TNIP3: variants seen among roughly 807,000 people sequenced by gnomAD.
TNIP3 encodes the protein TNFAIP3-interacting protein 3.
Under a neutral mutation model 54.1 loss-of-function variants are expected in TNIP3, and 34 were observed. That is an observed-to-expected ratio of 0.63 (90% CI 0.48 to 0.84). The LOEUF is 0.84. Among genes scored for constraint, TNIP3 ranks in the 40% least tolerant of loss-of-function variants. The pLI is 0.00. For missense variants in TNIP3, 366 were observed against 387.6 expected, an observed-to-expected ratio of 0.94 and a Z score of 0.47; for synonymous variants, 134 against 136.8, an observed-to-expected ratio of 0.98 and a Z score of 0.14.
At chr4:121,167,930 C>T (rs1730852603), upstream of TNIP3, among the ~76,000 whole-genome samples, 2 of 152,070 alleles carry the variant, frequency 1.3e-5, no homozygotes, top group African/African-American at 4.8e-5. Context: ...CCTTCTTCAC[C>T]TGACCTGTTT....
intron 1 of TNIP3, among the ~76,000 whole-genome samples, chr4:121,163,781 C>G (rs542324944): frequency 1.6e-4 from 24 of 152,158 alleles, no homozygotes; most frequent in African/African-American, 5.8e-4. Context: ...ATATAGTATT[C>G]TTTTAAGATT....
At position 121,164,219 on chromosome 4, in the gene TNIP3, AT is replaced by A. The variant is rs1730634710; in HGVS notation, c.-95del. The stretch of plus-strand genomic sequence containing the variant: ...TTTAGGGTGAGAGCAAGTATACAAA[AT>A]TTAAAAAACACACATCACCGTTAAC... On this transcript the variant is annotated 5_prime_UTR_variant, in exon 1 of 11. Coordinates refer to ENST00000057513, the MANE Select transcript of TNIP3 (RefSeq NM_024873.6). 6.3e-7 allele frequency: 1 copy of A among 1,585,684 alleles called. No individual in the cohort carries two copies. The highest frequency in any genetic ancestry group is 1.1e-5 in the South Asian group (1 of 87,436).
chr4:121,132,555 C>T lies in TNIP3; in HGVS notation c.*76G>A, dbSNP rs948090339. ...ATGTGCCTTTGTGGCAGAAACAAGC[C>T]TCAGTATAAACAAAGAAGAGGGTCC... On this transcript the variant is annotated 3_prime_UTR_variant, in exon 11 of 11. Coordinates refer to ENST00000057513, the MANE Select transcript of TNIP3 (RefSeq NM_024873.6). 1 of 1,377,304 alleles carries T rather than the reference C, an allele frequency of 7.3e-7. No homozygotes were observed. Among genetic ancestry groups the T allele is most frequent in the Non-Finnish European group, 1.0e-6 (1 of 970,770 alleles). The allele number at this position is 1,377,304 out of a possible 1,614,324, so 85.3% of individuals were successfully genotyped here.
intron 2 of TNIP3, among the ~76,000 whole-genome samples, chr4:121,209,405 G>A (rs1010253616): frequency 2.0e-5 from 3 of 152,198 alleles, no homozygotes. Flanking sequence ...GCCTTAACAT[G>A]TGGGGTCTGT....
intron 2 of TNIP3, among the ~76,000 whole-genome samples, chr4:121,197,241 A>G (rs1235692475): frequency 1.3e-5 from 2 of 152,162 alleles, no homozygotes; most frequent in Non-Finnish European, 2.9e-5. Context: ...AGAACACCTA[A>G]GTCCTGCCGG....
At chr4:121,213,848 G>T (rs1242098722) in intron 2 of TNIP3, among the ~76,000 whole-genome samples, 1 of 151,994 alleles carries the variant, frequency 6.6e-6, no homozygotes, top group Admixed American at 6.6e-5. Context: ...TCAAAAAAAG[G>T]ATGACCCCAG....
intron 10 of TNIP3, 93 bp from the exon 11 acceptor site, chr4:121,132,755 CAA>C (rs35684713): frequency 0.019 from 14,425 of 758,334 alleles, no homozygotes; most frequent in South Asian, 0.032. Context: ...TCCAGGATGG[CAA>C]AAAAAAAAAA....
chr4:121,170,904 C>T (rs2148821143), intron 3 of TNIP3, among the ~76,000 whole-genome samples: 1 of 152,256 alleles, frequency 6.6e-6, no homozygotes, highest in South Asian at 2.1e-4. Context: ...CAATCTCTGC[C>T]TCCCGGGTTC....
upstream of TNIP3, among the ~76,000 whole-genome samples, chr4:121,218,536 CCCTT>C (rs150342130): frequency 0.042 from 6,275 of 150,574 alleles, 436 homozygotes; most frequent in African/African-American, 0.14. Context: ...CTCCCTCCCT[CCCTT>C]CCTTCCTTCC....
Position 121,150,160 on chromosome 4 carries a change from A to G in TNIP3, c.552T>C (p.Ser184=). 2 of 1,613,936 alleles carry G rather than the reference A, an allele frequency of 1.2e-6. No homozygotes were observed. Among genetic ancestry groups the G allele is most frequent in the South Asian group, 1.1e-5 (1 of 91,044 alleles). The change falls in exon 6 of 11, where the codon TCT becomes TCC. Residue 184 remains serine, a synonymous_variant. Coordinates refer to ENST00000057513, the MANE Select transcript of TNIP3 (RefSeq NM_024873.6). The stretch of plus-strand genomic sequence containing the variant: ...TCTCCTCATGGCAGAATTCCACTCG[A>G]GACTTCCTCAAACAGTCCTCGGAAA... The part of the protein sequence containing the change: ...CSFSEDCLRK[S]RVEFCHEEMR...
chr4:121,155,962 T>C (rs1730059446), intron 4 of TNIP3, among the ~76,000 whole-genome samples: 1 of 152,196 alleles, frequency 6.6e-6, no homozygotes, highest in Non-Finnish European at 1.5e-5. Context: ...TATTTTCTAA[T>C]TTAGCATAAT....
At position 121,170,126 on chromosome 4, in the gene TNIP3, C is replaced by T. The variant is rs1203825463; in HGVS notation, c.190-5980G>A. Among the ~76,000 whole-genome samples the T allele has an allele frequency of 2.0e-5, 3 of 152,188 alleles. No homozygotes were observed. In the East Asian group the frequency reaches 5.8e-4, roughly 29 times the overall value. The stretch of plus-strand genomic sequence containing the variant: ...AGTTAGCTACTTCCTTCTTTATGAT[C>T]TCATGGTGCTTTGTGAAGCATCAAC... On this transcript the variant is annotated intron_variant, in intron 3 of 12. Transcript: ENST00000507879.
Position 121,142,747 on chromosome 4 carries a change from T to C in TNIP3, c.765A>G (p.Lys255=). The change falls in exon 8 of 11, where the codon AAA becomes AAG. Residue 255 remains lysine (K), a synonymous_variant. Coordinates refer to ENST00000057513, the MANE Select transcript of TNIP3 (RefSeq NM_024873.6). The part of the protein sequence containing the change: ...QIKACQMEKE[K]LEKQLKQMYC... The stretch of plus-strand genomic sequence containing the variant: ...ATACCTGTTTTAATTGCTTTTCTAG[T>C]TTTTCTTTCTCCATCTGACAAGCTT... 1 of 1,612,468 alleles carries C rather than the reference T, an allele frequency of 6.2e-7. No homozygotes were observed. The highest frequency in any genetic ancestry group is 1.1e-5 in the South Asian group (1 of 90,962).
At chr4:121,137,960 G>C (rs759557052) in intron 10 of TNIP3, 3 of 456,002 alleles carry the variant, frequency 6.6e-6, no homozygotes, top group African/African-American at 6.0e-5. Flanking sequence ...TATACAGCCC[G>C]CTTCTGGGTG....
chr4:121,224,668 T>C (rs1253547304), intron 1 of TNIP3, among the ~76,000 whole-genome samples: 1 of 152,200 alleles, frequency 6.6e-6, no homozygotes, highest in African/African-American at 2.4e-5. Flanking sequence ...TTTCTACTCA[T>C]TTTTTTCTGT....
chr4:121,157,085 C>T lies in TNIP3; in HGVS notation c.363+9G>A. On this transcript the variant is annotated intron_variant, in intron 4 of 10. Coordinates refer to ENST00000057513, the MANE Select transcript of TNIP3 (RefSeq NM_024873.6). ...ATCCTCCGGGCTCGAGGACCCGGGC[C>T]CCGCCCACCTCCTCCCGCTGCAGCC... 3.1e-6 allele frequency: 5 copies of T among 1,613,810 alleles called. No homozygotes were observed. The highest frequency in any genetic ancestry group is 4.2e-6 in the Non-Finnish European group (5 of 1,179,976).
chr4:121,198,147 G>GTTT (rs1183916394), intron 2 of TNIP3, among the ~76,000 whole-genome samples: 159 of 139,546 alleles, frequency 1.1e-3, no homozygotes, highest in African/African-American at 3.9e-3. Context: ...TTTCATTCTT[G>GTTT]TTTTTTTTTT....
At chr4:121,220,711 T>C (rs1726992367), upstream of TNIP3, among the ~76,000 whole-genome samples, 1 of 152,172 alleles carries the variant, frequency 6.6e-6, no homozygotes, top group Admixed American at 6.5e-5. Context: ...AAGCTGATCC[T>C]GGGTAAACGT....
chr4:121,206,477 T>A (rs1467257768), intron 2 of TNIP3, among the ~76,000 whole-genome samples: 1 of 152,168 alleles, frequency 6.6e-6, no homozygotes, highest in Non-Finnish European at 1.5e-5. Flanking sequence ...CATAAATTTA[T>A]TGTTCTGGCT....
Sources: allele counts gnomAD v4.1 joint callset (sites outside exome capture counted in the v4.1 genomes callset), GRCh38; gene constraint gnomAD v4.1.1; transcripts MANE v1.5; gene names NCBI Gene and HGNC (gene_info 2026-07-23, HGNC 2026-07-21).